Variants in NLGN4X observed in about 807,000 individuals in gnomAD.
NLGN4X encodes the protein neuroligin 4 X-linked.
A neutral mutation model predicts 40.3 loss-of-function variants in NLGN4X; 3 were observed. The observed-to-expected ratio is 0.07, with a 90% CI of 0.03 to 0.19. The LOEUF (loss-of-function observed/expected upper bound fraction) is 0.19. Among genes scored for constraint, NLGN4X ranks in the 10% least tolerant of loss-of-function variants. The pLI is 1.00. For missense variants in NLGN4X, 382 were observed against 708.3 expected (o/e 0.54, Z 5.23); for synonymous variants, 270 against 306.8 (o/e 0.88, Z 1.25).
chrX:6,089,877 C>G (rs1352164224), intron 2 of NLGN4X, among the ~76,000 whole-genome samples: 1 of 111,822 alleles, frequency 8.9e-6, no homozygotes, highest in Non-Finnish European at 1.9e-5. Flanking sequence ...ACCAGCTTCC[C>G]TTAGCCACCA....
intron 1 of NLGN4X, among the ~76,000 whole-genome samples, chrX:6,226,131 C>T (rs776269002): frequency 9.4e-6 from 1 of 106,594 alleles, no homozygotes; most frequent in Admixed American, 9.8e-5. Flanking sequence ...CGCCCAGCAC[C>T]CGGGCGAGTT....
At chrX:6,025,858 C>A (rs2036676640) in intron 3 of NLGN4X, among the ~76,000 whole-genome samples, 2 of 104,751 alleles carry the variant, frequency 1.9e-5, no homozygotes, top group African/African-American at 7.1e-5. Flanking sequence ...GAGCCGAGAT[C>A]ATGCCACTGC....
At chrX:6,177,732 C>T (rs1920989668) in intron 1 of NLGN4X, among the ~76,000 whole-genome samples, 5 of 111,280 alleles carry the variant, frequency 4.5e-5, no homozygotes. Context: ...CTGAAAAAAT[C>T]TAGATGGCTT....
At chrX:6,053,224 G>C (rs1401688687) in intron 2 of NLGN4X, among the ~76,000 whole-genome samples, 5 of 112,290 alleles carry the variant, frequency 4.5e-5, no homozygotes, top group Non-Finnish European at 9.4e-5. Context: ...GGATGCTTCA[G>C]TGAAGATGCA....
chrX:5,954,282 T>C (rs2146954690), intron 3 of NLGN4X, among the ~76,000 whole-genome samples: 1 of 109,816 alleles, frequency 9.1e-6, no homozygotes, highest in South Asian at 4.0e-4. Flanking sequence ...TGGAGTGCAG[T>C]GGTGCAATCA....
At chrX:5,917,293 T>C (rs1002583126) in intron 3 of NLGN4X, among the ~76,000 whole-genome samples, 1 of 112,543 alleles carries the variant, frequency 8.9e-6, no homozygotes, top group Non-Finnish European at 1.9e-5. Context: ...AGGGGTCACC[T>C]GCATACTCAG....
intron 2 of NLGN4X, among the ~76,000 whole-genome samples, chrX:6,103,620 G>T (rs1479317722): frequency 9.0e-6 from 1 of 111,273 alleles, no homozygotes; most frequent in Non-Finnish European, 1.9e-5. Context: ...GTGCAGATGT[G>T]GACACCATCA....
chrX:6,204,780 T>C (rs2147863629), intron 1 of NLGN4X, among the ~76,000 whole-genome samples: 1 of 111,962 alleles, frequency 8.9e-6, no homozygotes, highest in East Asian at 2.8e-4. Context: ...CTGATGCTTA[T>C]GTTTGAGAAA....
At chrX:5,973,995 G>T (rs1467512347) in intron 3 of NLGN4X, among the ~76,000 whole-genome samples, 1 of 111,920 alleles carries the variant, frequency 8.9e-6, no homozygotes, top group Non-Finnish European at 1.9e-5. Flanking sequence ...GGATGTCTAT[G>T]TGTCAAAATA....
chrX:5,968,496 TGTGTGTGTGTG>T (rs2034911592), intron 3 of NLGN4X, among the ~76,000 whole-genome samples: 1 of 81,732 alleles, frequency 1.2e-5, no homozygotes, highest in Non-Finnish European at 2.4e-5. Context: ...TGTGTGTGTG[TGTGTGTGTGTG>T]TTGGGGTGCT....
At chrX:6,114,698 A>C (rs1296546405) in intron 2 of NLGN4X, among the ~76,000 whole-genome samples, 1 of 111,696 alleles carries the variant, frequency 9.0e-6, no homozygotes, top group Non-Finnish European at 1.9e-5. Flanking sequence ...TAATACATAC[A>C]ATCATTAAAA....
chrX:5,988,998 G>A (rs149469571), intron 3 of NLGN4X, among the ~76,000 whole-genome samples: 1,958 of 110,006 alleles, frequency 0.018, 19 homozygotes, highest in Middle Eastern at 0.056. Flanking sequence ...AACCTGTGAG[G>A]TGGAGGTTAT....
At chrX:6,002,259 T>A (rs1163523919) in intron 3 of NLGN4X, among the ~76,000 whole-genome samples, 1 of 111,931 alleles carries the variant, frequency 8.9e-6, no homozygotes, top group African/African-American at 3.3e-5. Flanking sequence ...GGTTTGAGTG[T>A]TTTTTACAAG....
intron 2 of NLGN4X, among the ~76,000 whole-genome samples, chrX:6,129,569 T>A (rs1414552416): frequency 8.9e-6 from 1 of 112,301 alleles, no homozygotes; most frequent in Non-Finnish European, 1.9e-5. Context: ...AACATTAAAT[T>A]CACCAATGTA....
intron 1 of NLGN4X, among the ~76,000 whole-genome samples, chrX:6,216,764 T>C (rs1022910606): frequency 3.6e-5 from 4 of 112,189 alleles, no homozygotes; most frequent in Non-Finnish European, 7.5e-5. Context: ...ACCAATCAAA[T>C]TCTGTCCAGA....
intron 2 of NLGN4X, among the ~76,000 whole-genome samples, chrX:6,041,565 T>C (rs1304743939): frequency 1.8e-5 from 2 of 111,958 alleles, no homozygotes; most frequent in African/African-American, 6.5e-5. Context: ...CAACCTTCCA[T>C]TCGTAAATGA....
chrX:6,136,353 C>T (rs1425128739), intron 2 of NLGN4X, among the ~76,000 whole-genome samples: 1 of 112,610 alleles, frequency 8.9e-6, no homozygotes, highest in African/African-American at 3.2e-5. Context: ...GGAATCCAGG[C>T]ACAACCTTAG....
chrX:6,147,955 T>C (rs1213549621), intron 2 of NLGN4X, among the ~76,000 whole-genome samples: 1 of 112,007 alleles, frequency 8.9e-6, no homozygotes, highest in Admixed American at 9.5e-5. Context: ...GTTTAGTAGA[T>C]CATGATGCCA....
At chrX:6,154,641 G>A (rs895480111) in intron 1 of NLGN4X, among the ~76,000 whole-genome samples, 1 of 111,502 alleles carries the variant, frequency 9.0e-6, no homozygotes. Context: ...AAGAGGATAT[G>A]CTACAAAATG....
Sources: allele counts gnomAD v4.1 joint callset (sites outside exome capture counted in the v4.1 genomes callset), GRCh38; gene constraint gnomAD v4.1.1; transcripts MANE v1.5; gene names NCBI Gene and HGNC (gene_info 2026-07-23, HGNC 2026-07-21).